The following BATF variants were observed in gnomAD, a reference collection of about 807,000 sequenced individuals.
BATF encodes the protein basic leucine zipper ATF-like transcription factor, also known as basic leucine zipper transcriptional factor ATF-like.
A neutral mutation model predicts 13.7 loss-of-function variants in BATF; 5 were observed. That is an observed-to-expected ratio of 0.36 (90% confidence interval 0.19 to 0.77). BATF has a LOEUF of 0.77. Among genes scored for constraint, BATF ranks in the 30% least tolerant of loss-of-function variants. BATF has a pLI of 0.51. For missense variants in BATF, 124 were observed against 163.0 expected, an observed-to-expected ratio of 0.76 and a Z score of 1.30; for synonymous variants, 72 against 67.5, an observed-to-expected ratio of 1.07 and a Z score of -0.33.
At chr14:75,543,430 TG>T (rs1887932326) in intron 2 of BATF, among the ~76,000 whole-genome samples, 3 of 152,116 alleles carry the variant, frequency 2.0e-5, no homozygotes, top group African/African-American at 7.2e-5. Context: ...AGCAAGGCCA[TG>T]TTGGTATATG....
rs779697680 is a variant in BATF, at chr14:75,546,536, C to T, written c.243C>T (p.Tyr81=). Reference sequence around the variant, plus strand: ...AGCAGCTCACAGAGGAACTGAAGTACTTCACGTCGGTGCTGAACAGCCACG... The same window carrying T: ...AGCAGCTCACAGAGGAACTGAAGTATTTCACGTCGGTGCTGAACAGCCACG... ...EIKQLTEELK[Y]FTSVLNSHEP... Residue 81 remains tyrosine (Y), a synonymous_variant, in exon 3 of 3, where the codon TAC becomes TAT. Transcript: ENST00000286639. The T allele has an allele frequency of 1.7e-5, 28 of 1,614,098 alleles. No homozygotes were observed. The Middle Eastern group carries it at 4.9e-4, about 28-fold the overall frequency.
intron 1 of BATF, 99 bp from the exon 2 acceptor site, chr14:75,524,985 T>C (rs931100648): frequency 2.0e-6 from 2 of 1,019,596 alleles, no homozygotes; most frequent in African/African-American, 1.6e-5. Context: ...GACGAAGGCA[T>C]GGAAGGATGG....
intron 2 of BATF, among the ~76,000 whole-genome samples, chr14:75,545,363 A>G (rs1031721329): frequency 6.7e-6 from 1 of 148,236 alleles, no homozygotes; most frequent in Non-Finnish European, 1.5e-5. Flanking sequence ...CTGGGATTAC[A>G]GGTGTGCACC....
chr14:75,534,985 G>A (rs1221437762), intron 2 of BATF, among the ~76,000 whole-genome samples: 1 of 152,198 alleles, frequency 6.6e-6, no homozygotes, highest in Admixed American at 6.5e-5. Flanking sequence ...TAAGTAAATT[G>A]TGGATAATCA....
In BATF at chr14:75,538,750, A is replaced by C. The variant is rs572508761; in HGVS notation, c.169-7712A>C. ...CCATGTCTCTACTAAAAATACAAAAAATTAGCCGGGCATGGTGGCGGGTGC... is the reference window on the plus strand; with the variant it reads ...CCATGTCTCTACTAAAAATACAAAACATTAGCCGGGCATGGTGGCGGGTGC... On this transcript the variant is annotated intron_variant, in intron 2 of 2. Transcript: ENST00000286639. Among the ~76,000 whole-genome samples the C allele has an allele frequency of 9.2e-5, 14 of 152,230 alleles. No individual in the cohort carries two copies. In the South Asian group the frequency reaches 2.9e-3, roughly 32 times the overall value.
chr14:75,523,234 A>AAGG (rs58207582), intron 1 of BATF, among the ~76,000 whole-genome samples: 30,044 of 144,934 alleles, frequency 0.21, 3,549 homozygotes, highest in Non-Finnish European at 0.25. Flanking sequence ...GAAGAAGAAG[A>AAGG]AGAGGAAGAA....
At chr14:75,541,930 C>T (rs924796770) in intron 2 of BATF, among the ~76,000 whole-genome samples, 1 of 152,082 alleles carries the variant, frequency 6.6e-6, no homozygotes, top group Admixed American at 6.6e-5. Flanking sequence ...TCCCAAAGTG[C>T]TGGGATTACA....
intron 2 of BATF, among the ~76,000 whole-genome samples, chr14:75,525,531 G>T (rs1294552665): frequency 6.6e-6 from 1 of 151,934 alleles, no homozygotes; most frequent in African/African-American, 2.4e-5. Context: ...AGGCATGGTG[G>T]TGCATGCCTG....
chr14:75,527,557 G>T (rs1010228312), intron 2 of BATF, among the ~76,000 whole-genome samples: 12 of 152,184 alleles, frequency 7.9e-5, no homozygotes, highest in African/African-American at 2.4e-5. Flanking sequence ...TAATGAGGGT[G>T]ACACAGATGT....
chr14:75,523,707 C>A (rs1267181442), intron 1 of BATF, among the ~76,000 whole-genome samples: 1 of 152,148 alleles, frequency 6.6e-6, no homozygotes, highest in Non-Finnish European at 1.5e-5. Flanking sequence ...TCATTCTTTC[C>A]TTAGCACAGA....
intron 2 of BATF, among the ~76,000 whole-genome samples, chr14:75,540,700 T>C (rs1446214062): frequency 6.6e-6 from 1 of 152,186 alleles, no homozygotes; most frequent in Non-Finnish European, 1.5e-5. Flanking sequence ...GAGATAATAT[T>C]TTCTACCACA....
chr14:75,544,379 A>G (rs1191627349), intron 2 of BATF, among the ~76,000 whole-genome samples: 2 of 152,048 alleles, frequency 1.3e-5, no homozygotes, highest in Admixed American at 1.3e-4. Context: ...AGCCTGGCCA[A>G]CATGGTGAAA....
chr14:75,529,048 G>A (rs1411624937), intron 2 of BATF, among the ~76,000 whole-genome samples: 2 of 152,050 alleles, frequency 1.3e-5, no homozygotes. Flanking sequence ...AATTTAATGA[G>A]ATCCCAATAA....
At chr14:75,535,406 G>C (rs1887802951) in intron 2 of BATF, among the ~76,000 whole-genome samples, 1 of 152,136 alleles carries the variant, frequency 6.6e-6, no homozygotes, top group Non-Finnish European at 1.5e-5. Context: ...GTGAGACCCT[G>C]TGTCAACAAA....
At chr14:75,537,617 T>A (rs1887838166) in intron 2 of BATF, among the ~76,000 whole-genome samples, 1 of 152,172 alleles carries the variant, frequency 6.6e-6, no homozygotes, top group African/African-American at 2.4e-5. Context: ...CACGAATAGA[T>A]CCCTGAGCTC....
At chr14:75,546,232 TG>T (rs1328450816) in intron 2 of BATF, among the ~76,000 whole-genome samples, 1 of 152,218 alleles carries the variant, frequency 6.6e-6, no homozygotes, top group Non-Finnish European at 1.5e-5. Flanking sequence ...CTCATATCTA[TG>T]TGTATACATG....
intron 2 of BATF, among the ~76,000 whole-genome samples, chr14:75,543,737 C>A (rs1008296332): frequency 2.2e-4 from 33 of 151,426 alleles, no homozygotes; most frequent in Non-Finnish European, 2.9e-5. Flanking sequence ...ACAGGCTGGT[C>A]TTAAACTCCT....
intron 2 of BATF, among the ~76,000 whole-genome samples, chr14:75,545,337 C>A (rs917301287): frequency 6.6e-6 from 1 of 151,278 alleles, no homozygotes; most frequent in South Asian, 2.1e-4. Context: ...TTCTCTTCCC[C>A]GAGCCTCCCG....
At chr14:75,533,196 AG>A (rs948509123) in intron 2 of BATF, among the ~76,000 whole-genome samples, 3 of 152,090 alleles carry the variant, frequency 2.0e-5, no homozygotes, top group African/African-American at 7.2e-5. Context: ...TGGGAGGCCA[AG>A]GTGGGCAGAT....
Sources: gnomAD v4.1 joint callset for allele counts (sites outside exome capture counted in the v4.1 genomes callset) on GRCh38, gnomAD v4.1.1 for gene constraint, MANE v1.5 for transcripts, NCBI Gene and HGNC (gene_info 2026-07-23, HGNC 2026-07-21) for gene names.